Variants in GRIP1 observed in about 807,000 individuals in gnomAD.
GRIP1 encodes the protein glutamate receptor-interacting protein 1.
A neutral mutation model predicts 129.9 loss-of-function variants in GRIP1; 45 were observed. That is an observed-to-expected ratio of 0.35 (90% CI 0.27 to 0.44). The LOEUF (loss-of-function observed/expected upper bound fraction) is 0.44. GRIP1 is among the 20% of genes least tolerant of loss of function. GRIP1 has a pLI of 1.00. For missense variants in GRIP1, 1,196 were observed against 1,396.8 expected, an observed-to-expected ratio of 0.86 and a Z score of 2.29; for synonymous variants, 530 against 520.8, an observed-to-expected ratio of 1.02 and a Z score of -0.24.
intron 5 of GRIP1, among the ~76,000 whole-genome samples, chr12:66,520,458 G>A (rs971631878): frequency 6.6e-6 from 1 of 152,148 alleles, no homozygotes; most frequent in South Asian, 2.1e-4. Context: ...TAAAAATGCG[G>A]TCCTCATAAA....
chr12:66,527,680 CAAAATT>C (rs1162502792), intron 5 of GRIP1, among the ~76,000 whole-genome samples: 1 of 151,596 alleles, frequency 6.6e-6, no homozygotes, highest in African/African-American at 2.4e-5. Flanking sequence ...ATAATAATAA[CAAAATT>C]AAAAAAAAAT....
At chr12:66,872,542 C>T (rs1271279477) in intron 1 of GRIP1, among the ~76,000 whole-genome samples, 1 of 151,858 alleles carries the variant, frequency 6.6e-6, no homozygotes, top group Non-Finnish European at 1.5e-5. Flanking sequence ...GGATATATTC[C>T]AGGAAGCCAG....
chr12:66,897,173 T>A (rs1324626043), intron 1 of GRIP1, among the ~76,000 whole-genome samples: 1 of 152,188 alleles, frequency 6.6e-6, no homozygotes, highest in Non-Finnish European at 1.5e-5. Flanking sequence ...AATCAATGCA[T>A]GGGAAGCACT....
At chr12:66,542,621 G>T (rs2139230349) in intron 2 of GRIP1, among the ~76,000 whole-genome samples, 1 of 152,198 alleles carries the variant, frequency 6.6e-6, no homozygotes, top group East Asian at 1.9e-4. Flanking sequence ...CAGATCTTGT[G>T]GGGATAATAT....
intron 1 of GRIP1, among the ~76,000 whole-genome samples, chr12:66,855,149 A>G (rs554847745): frequency 6.6e-6 from 1 of 152,134 alleles, no homozygotes; most frequent in African/African-American, 2.4e-5. Context: ...ATTAAGCCTA[A>G]GTTGGAAGTA....
chr12:66,939,192 A>G (rs2041542919), intron 1 of GRIP1, among the ~76,000 whole-genome samples: 1 of 151,992 alleles, frequency 6.6e-6, no homozygotes, highest in Non-Finnish European at 1.5e-5. Flanking sequence ...GTCAGGTGTG[A>G]TACAGTTAAT....
intron 5 of GRIP1, among the ~76,000 whole-genome samples, chr12:66,519,327 G>T (rs1035911891): frequency 6.6e-6 from 1 of 151,994 alleles, no homozygotes; most frequent in Admixed American, 6.6e-5. Context: ...CACTTTCTCA[G>T]AAAAAAATTT....
chr12:66,739,959 A>G (rs1167392146), intron 1 of GRIP1, among the ~76,000 whole-genome samples: 1 of 152,148 alleles, frequency 6.6e-6, no homozygotes, highest in Non-Finnish European at 1.5e-5. Context: ...TAGGAAGCTG[A>G]GTCTGTCCCC....
intron 1 of GRIP1, among the ~76,000 whole-genome samples, chr12:66,814,380 C>G (rs1279451806): frequency 6.6e-6 from 1 of 151,748 alleles, no homozygotes; most frequent in African/African-American, 2.4e-5. Flanking sequence ...CTGAAAGGAG[C>G]CTTCTTTTCA....
intron 1 of GRIP1, among the ~76,000 whole-genome samples, chr12:66,706,039 GC>G (rs1208733185): frequency 4.6e-5 from 7 of 152,130 alleles, no homozygotes; most frequent in African/African-American, 1.7e-4. Flanking sequence ...TGCAACAAAA[GC>G]CAAAATTGGC....
intron 1 of GRIP1, among the ~76,000 whole-genome samples, chr12:66,854,489 G>A (rs879813715): frequency 1.8e-3 from 278 of 151,988 alleles, no homozygotes; most frequent in Middle Eastern, 3.4e-3. Flanking sequence ...TGTGGAGGGG[G>A]GCTTTGCTGG....
intron 1 of GRIP1, chr12:67,037,329 A>AAATAATAATAATAATAACAAT (rs2043112491): frequency 7.2e-6 from 1 of 139,188 alleles, no homozygotes; most frequent in Non-Finnish European, 1.5e-5. Flanking sequence ...CTCTGCCTGA[A>AAATAATAATAATAATAACAAT]AATAATAATA....
intron 1 of GRIP1, among the ~76,000 whole-genome samples, chr12:67,003,809 GA>G (rs1301482259): frequency 6.6e-6 from 1 of 152,066 alleles, no homozygotes; most frequent in Non-Finnish European, 1.5e-5. Context: ...AAAGAAAATA[GA>G]CATGCATTAA....
rs148582434 is a variant in GRIP1, at chr12:66,899,463, A to C, written c.58+169587T>G. On this transcript the variant is annotated intron_variant, in intron 1 of 1. Coordinates refer to the GRIP1 transcript ENST00000643019. Reference sequence around the variant, plus strand: ...AGTACATTCTCAAACTCCTGAACTCAAGTGATCCCCCACCTCAGCCTCCTG... The same window carrying C: ...AGTACATTCTCAAACTCCTGAACTCCAGTGATCCCCCACCTCAGCCTCCTG... Among the ~76,000 whole-genome samples the C allele has an allele frequency of 6.2e-4, 44 of 71,378 alleles. 1 individual carries two copies. The East Asian group carries it at 0.014, about 23-fold the overall frequency. The allele number at this position is 71,378 out of a possible 152,430, so 46.8% of individuals were successfully genotyped here.
intron 1 of GRIP1, among the ~76,000 whole-genome samples, chr12:66,914,100 A>AG (rs2137325660): frequency 6.6e-6 from 1 of 152,302 alleles, no homozygotes; most frequent in South Asian, 2.1e-4. Context: ...GGACACTATG[A>AG]GAAATAAGGA....
chr12:66,420,638 G>C, intron 15 of GRIP1, 82 bp downstream of exon 15: 1 of 807,324 alleles, frequency 1.2e-6, no homozygotes, highest in South Asian at 1.3e-5. Context: ...CATTAGAAAG[G>C]TTTGCTTTGG....
At chr12:67,050,744 A>C (rs139368560) in intron 1 of GRIP1, among the ~76,000 whole-genome samples, 5 of 152,286 alleles carry the variant, frequency 3.3e-5, no homozygotes, top group African/African-American at 1.2e-4. Flanking sequence ...AAGATGCTCC[A>C]GTAGCAAAGG....
intron 1 of GRIP1, among the ~76,000 whole-genome samples, chr12:66,741,010 C>G (rs764727560): frequency 6.6e-6 from 1 of 152,042 alleles, no homozygotes; most frequent in Non-Finnish European, 1.5e-5. Context: ...AAAAAAATGT[C>G]CAATTTGACC....
intron 5 of GRIP1, among the ~76,000 whole-genome samples, chr12:66,527,292 A>G (rs1410639692): frequency 1.3e-5 from 2 of 151,766 alleles, no homozygotes; most frequent in African/African-American, 2.4e-5. Context: ...TCCAACAATG[A>G]TAGACTGGAT....
Sources: allele counts gnomAD v4.1 joint callset (sites outside exome capture counted in the v4.1 genomes callset), GRCh38; gene constraint gnomAD v4.1.1; transcripts MANE v1.5; gene names NCBI Gene and HGNC (gene_info 2026-07-23, HGNC 2026-07-21).